Variants in AGBL4 observed in about 807,000 individuals in gnomAD.
AGBL4 encodes AGBL carboxypeptidase 4.
A neutral mutation model predicts 66.4 loss-of-function variants in AGBL4; 58 were observed. The observed-to-expected ratio is 0.87, with a 90% CI of 0.71 to 1.09. The LOEUF (loss-of-function observed/expected upper bound fraction) is 1.09. Ranked by LOEUF, AGBL4 falls within the 50% of genes least tolerant of loss-of-function variation. The pLI is 0.00. For synonymous variants in AGBL4, 234 were observed against 222.9 expected (o/e 1.05, Z -0.44); for missense variants, 579 against 631.0 (o/e 0.92, Z 0.88).
intron 6 of AGBL4, among the ~76,000 whole-genome samples, chr1:48,794,653 C>T (rs980746393): frequency 1.3e-5 from 2 of 152,166 alleles, no homozygotes; most frequent in Non-Finnish European, 2.9e-5. Context: ...TGTTTTTCCT[C>T]TTAATTTCAG....
At chr1:48,573,631 C>G (rs1008618800) in intron 11 of AGBL4, among the ~76,000 whole-genome samples, 2 of 152,178 alleles carry the variant, frequency 1.3e-5, no homozygotes, top group African/African-American at 2.4e-5. Flanking sequence ...TCAGAGTACT[C>G]TGAACACACC....
At chr1:49,948,867 A>G (rs894612920) in intron 1 of AGBL4, among the ~76,000 whole-genome samples, 1 of 151,786 alleles carries the variant, frequency 6.6e-6, no homozygotes, top group Non-Finnish European at 1.5e-5. Flanking sequence ...GCCAAAAACG[A>G]GCCCACCAAG....
chr1:49,468,621 C>T (rs1570791293), intron 3 of AGBL4, among the ~76,000 whole-genome samples: 4 of 151,672 alleles, frequency 2.6e-5, no homozygotes, highest in Non-Finnish European at 5.9e-5. Flanking sequence ...CTTTGCCGTT[C>T]GTTTAGTTTT....
At chr1:48,689,027 C>T (rs1158565537) in intron 6 of AGBL4, among the ~76,000 whole-genome samples, 1 of 151,418 alleles carries the variant, frequency 6.6e-6, no homozygotes, top group Non-Finnish European at 1.5e-5. Flanking sequence ...GAAAGAAGAT[C>T]CATTGTGGTG....
At chr1:49,877,529 A>C (rs1174025770) in intron 1 of AGBL4, among the ~76,000 whole-genome samples, 1 of 151,360 alleles carries the variant, frequency 6.6e-6, no homozygotes, top group Non-Finnish European at 1.5e-5. Flanking sequence ...ATGGTGGATA[A>C]GCTTTTTGAT....
intron 9 of AGBL4, among the ~76,000 whole-genome samples, chr1:48,600,821 C>T (rs977725182): frequency 5.9e-5 from 9 of 152,092 alleles, no homozygotes; most frequent in South Asian, 2.1e-4. Context: ...GAAATAAAAA[C>T]GTATTTTTTT....
chr1:49,334,367 A>T (rs1241069101), intron 3 of AGBL4, among the ~76,000 whole-genome samples: 3 of 152,164 alleles, frequency 2.0e-5, no homozygotes, highest in Non-Finnish European at 4.4e-5. Context: ...TGATTTGACA[A>T]TTTACATCCT....
intron 2 of AGBL4, chr1:49,845,798 A>G: frequency 1.3e-6 from 2 of 1,558,686 alleles, no homozygotes. Context: ...TCACTTAGCC[A>G]GCAGGAGCGG....
intron 2 of AGBL4, among the ~76,000 whole-genome samples, chr1:49,834,780 C>G (rs937014797): frequency 6.6e-6 from 1 of 152,016 alleles, no homozygotes; most frequent in Non-Finnish European, 1.5e-5. Context: ...TCTCTTTTTT[C>G]TCATTGGTTT....
chr1:49,154,255 T>G (rs1370522297), intron 4 of AGBL4, among the ~76,000 whole-genome samples: 1 of 152,040 alleles, frequency 6.6e-6, no homozygotes, highest in Non-Finnish European at 1.5e-5. Context: ...CCTTTCTTGG[T>G]CTCAGTGTCT....
intron 3 of AGBL4, among the ~76,000 whole-genome samples, chr1:49,543,444 T>C (rs1250034055): frequency 6.6e-6 from 1 of 151,962 alleles, no homozygotes; most frequent in Non-Finnish European, 1.5e-5. Context: ...GGACATGTAA[T>C]GGTTTGTTCA....
chr1:48,787,401 T>G (rs1328878419), intron 6 of AGBL4, among the ~76,000 whole-genome samples: 1 of 152,188 alleles, frequency 6.6e-6, no homozygotes, highest in East Asian at 1.9e-4. Flanking sequence ...TTTCATTCTA[T>G]GTTGTGGTGG....
chr1:49,027,091 T>G (rs1162773419), intron 5 of AGBL4, among the ~76,000 whole-genome samples: 1 of 152,144 alleles, frequency 6.6e-6, no homozygotes, highest in African/African-American at 2.4e-5. Context: ...CAGCAGAGAT[T>G]AACTTTCAGA....
At chr1:49,918,723 C>A (rs950919323) in intron 1 of AGBL4, among the ~76,000 whole-genome samples, 1 of 152,190 alleles carries the variant, frequency 6.6e-6, no homozygotes, top group African/African-American at 2.4e-5. Flanking sequence ...GGAATACTCC[C>A]TAACTCATTT....
chr1:49,070,567 T>A (rs2147933857), intron 4 of AGBL4, among the ~76,000 whole-genome samples: 1 of 152,142 alleles, frequency 6.6e-6, no homozygotes, highest in South Asian at 2.1e-4. Context: ...CAGCCTTGCA[T>A]CCCAGGGATG....
chr1:49,870,958 G>A (rs1646823599), intron 1 of AGBL4, among the ~76,000 whole-genome samples: 1 of 152,058 alleles, frequency 6.6e-6, no homozygotes, highest in Admixed American at 6.6e-5. Context: ...GGACACAGAA[G>A]AAGATAACAA....
intron 9 of AGBL4, among the ~76,000 whole-genome samples, chr1:48,610,246 G>A (rs1402656207): frequency 1.3e-5 from 2 of 152,214 alleles, no homozygotes; most frequent in African/African-American, 4.8e-5. Context: ...AGCTGCCTGA[G>A]GATGGAAGCT....
chr1:49,565,063 G>A (rs1250189624), intron 3 of AGBL4, among the ~76,000 whole-genome samples: 1 of 152,170 alleles, frequency 6.6e-6, no homozygotes, highest in Non-Finnish European at 1.5e-5. Context: ...ATTATGTAAT[G>A]TCTTCTTTGT....
chr1:49,214,839 G>GGGATAAACAAA (rs1648957491), intron 4 of AGBL4, among the ~76,000 whole-genome samples: 1 of 152,104 alleles, frequency 6.6e-6, no homozygotes, highest in African/African-American at 2.4e-5. Flanking sequence ...GATAAAGGGA[G>GGGATAAACAAA]TATCAAGTAT....
Sources: allele counts gnomAD v4.1 joint callset (sites outside exome capture counted in the v4.1 genomes callset), GRCh38; gene constraint gnomAD v4.1.1; transcripts MANE v1.5; gene names NCBI Gene and HGNC (gene_info 2026-07-23, HGNC 2026-07-21).